The following ADGRL1 variants were observed in gnomAD, a reference collection of about 807,000 sequenced individuals.
ADGRL1 encodes adhesion G protein-coupled receptor L1, also known as CIRL-1.
ADGRL1 carries 31 observed loss-of-function variants against 148.9 expected under a neutral mutation model. The observed-to-expected ratio is 0.21, with a 90% CI of 0.16 to 0.28. ADGRL1 has a LOEUF of 0.28. Among genes scored for constraint, ADGRL1 ranks in the 10% least tolerant of loss-of-function variants. The probability of loss-of-function intolerance (pLI) is 1.00; values close to 1 mark genes in which losing one functional copy is unlikely to be tolerated. For missense variants in ADGRL1, 1,521 were observed against 2,058.8 expected (o/e 0.74, Z 5.05); for synonymous variants, 937 against 900.3 (o/e 1.04, Z -0.73).
rs1599421177 is a variant in ADGRL1, at chr19:14,162,536, C to T, written c.1195+70G>A. On this transcript the variant is annotated intron_variant, in intron 5 of 22. Transcript: ENST00000361434. The surrounding 1 kb of genome is among the most constrained non-coding windows in gnomAD (Gnocchi z 5.4). ...CAGGATGGGGCTCCCCACTCTGGGACCCAGGGGTGGGTGGGGGTGGAGGGG... is the reference window on the plus strand; with the variant it reads ...CAGGATGGGGCTCCCCACTCTGGGATCCAGGGGTGGGTGGGGGTGGAGGGG... The T allele has an allele frequency of 5.7e-6, 8 of 1,415,754 alleles. No homozygotes were observed. The East Asian group carries it at 1.8e-4, about 32-fold the overall frequency. The allele number at this position is 1,415,754 out of a possible 1,614,324, so 87.7% of individuals were successfully genotyped here.
rs749491607 is a variant in ADGRL1 at position 14,161,657 on chromosome 19, C to T, written c.1196-31G>A. ...GAGGGGATACGAGACAGGGTCATCC[C>T]CATGCTCAGGGCCATGCCACAGTGT... is the stretch of plus-strand genomic sequence containing the variant. On this transcript the variant is annotated intron_variant, in intron 5 of 22. Transcript: ENST00000361434. This position sits in a 1 kb window ranked among gnomAD's most constrained non-coding sequence, Gnocchi z 4.4. 8 of 1,353,386 alleles carry T rather than the reference C, an allele frequency of 5.9e-6. No individual in the cohort carries two copies. The highest frequency in any genetic ancestry group is 7.6e-6 in the Non-Finnish European group (8 of 1,051,176). 83.8% of individuals were successfully genotyped at this position (1,353,386 alleles called of 1,614,324 possible). A position where few individuals can be genotyped will look rare whatever the true frequency, so the allele number is the denominator to read the frequency against.
chr19:14,190,527 A>T, intron 1 of ADGRL1, among the ~76,000 whole-genome samples: 1 of 151,994 alleles, frequency 6.6e-6, no homozygotes, highest in East Asian at 1.9e-4. Flanking sequence ...TTGGCCTCCC[A>T]AAGTGCTGGG....
Position 14,163,117 on chromosome 19 carries a change from G to A in ADGRL1, c.684C>T (p.Ile228=), listed in dbSNP as rs1189885620. 6.2e-6 allele frequency: 10 copies of A among 1,614,012 alleles called. No individual in the cohort carries two copies. Among genetic ancestry groups the A allele is most frequent in the African/African-American group, 2.7e-5 (2 of 74,950 alleles). The change falls in exon 5 of 23, where the codon ATC becomes ATT. Residue 228 remains isoleucine (I), a synonymous_variant. Transcript: ENST00000361434. ...TGCGCGTCCGTAGGTCATACTTGACGATGTTGCGCGTGCGCTCCTTGTTGT... is the reference window on the plus strand; with the variant it reads ...TGCGCGTCCGTAGGTCATACTTGACAATGTTGCGCGTGCGCTCCTTGTTGT... ...VFYNKERTRN[I]VKYDLRTRIK...
intron 1 of ADGRL1, among the ~76,000 whole-genome samples, chr19:14,188,058 C>T (rs1971696553): frequency 6.6e-6 from 1 of 151,996 alleles, no homozygotes; most frequent in South Asian, 2.1e-4. Context: ...GATCCTGCCA[C>T]TGCACTCCAG....
intron 1 of ADGRL1, among the ~76,000 whole-genome samples, chr19:14,201,088 C>T (rs1274672046): frequency 1.3e-5 from 2 of 152,096 alleles, no homozygotes; most frequent in Non-Finnish European, 2.9e-5. Context: ...TCCTATAGTA[C>T]AGAGGACAGC....
intron 2 of ADGRL1, 93 bp downstream of exon 2, chr19:14,183,440 T>C: frequency 8.2e-7 from 1 of 1,216,862 alleles, no homozygotes; most frequent in Non-Finnish European, 1.2e-6. Context: ...TGTAATTCTT[T>C]ACTGAGTGAT....
At chr19:14,198,578 G>C (rs1280186188) in intron 1 of ADGRL1, among the ~76,000 whole-genome samples, 3 of 152,006 alleles carry the variant, frequency 2.0e-5, no homozygotes, top group Non-Finnish European at 4.4e-5. Flanking sequence ...CTGCCATCTG[G>C]ATCCTGACGC....
At chr19:14,175,069 C>T (rs1970727880) in intron 3 of ADGRL1, among the ~76,000 whole-genome samples, 1 of 152,084 alleles carries the variant, frequency 6.6e-6, no homozygotes, top group African/African-American at 2.4e-5. Context: ...TCTCGAACTC[C>T]TGACCTAAAG....
In ADGRL1 at chr19:14,155,740, G is replaced by A. The variant is rs1338212095; in HGVS notation, c.3126-213C>T. ...AGGGAAAGGTACTGGGTCAGGGGTCGGGGTATTGTGAACATCAGTTATTCC... is the reference window on the plus strand; with the variant it reads ...AGGGAAAGGTACTGGGTCAGGGGTCAGGGTATTGTGAACATCAGTTATTCC... On this transcript the variant is annotated intron_variant, in intron 17 of 22. Coordinates refer to ENST00000361434, the MANE Select transcript of ADGRL1 (RefSeq NM_014921.5). The surrounding 1 kb of genome is among the most constrained non-coding windows in gnomAD (Gnocchi z 5.0). The A allele has an allele frequency of 1.2e-5, 7 of 590,038 alleles. No individual in the cohort carries two copies. The highest frequency in any genetic ancestry group is 4.4e-4 in the Middle Eastern group (1 of 2,250). The allele number at this position is 590,038 out of a possible 1,614,324, so 36.6% of individuals were successfully genotyped here.
At chr19:14,151,721 G>T in intron 22 of ADGRL1, 106 bp from the exon 23 acceptor site, 2 of 1,142,260 alleles carry the variant, frequency 1.8e-6, no homozygotes, top group Non-Finnish European at 1.2e-6. Flanking sequence ...ATTCCTGCTG[G>T]TTTTCCGTAG....
chr19:14,156,236 G>A (rs1232742388), intron 16 of ADGRL1, 35 bp from the exon 17 acceptor site: 2 of 1,507,116 alleles, frequency 1.3e-6, no homozygotes, highest in Middle Eastern at 1.7e-4. Context: ...TGGGCTGAGA[G>A]TGGCCCTGCC....
chr19:14,156,519 G>A (rs1289511220), intron 16 of ADGRL1, 139 bp downstream of exon 16: 8 of 690,566 alleles, frequency 1.2e-5, no homozygotes, highest in East Asian at 1.1e-4. Context: ...CCTCTCAGCC[G>A]GTGGCTCAGT....
At chr19:14,185,681 G>T (rs1220609135) in intron 1 of ADGRL1, among the ~76,000 whole-genome samples, 3 of 152,136 alleles carry the variant, frequency 2.0e-5, no homozygotes, top group African/African-American at 7.2e-5. Flanking sequence ...TCCCATCTCA[G>T]GCTGTCCTGG....
Position 14,163,074 on chromosome 19 carries a change from C to G in ADGRL1, c.727G>C (p.Val243Leu), listed in dbSNP as rs779069324. Residue 243 changes from valine (V) to leucine (L), a missense_variant, in exon 5 of 23, where the codon GTC becomes CTC. Physicochemically the swap from Val to Leu is conservative, Grantham distance 32. Around this residue, in one of 8 missense-constraint regions of ADGRL1, gnomAD observed 334 missense variants for 512.5 expected, o/e 0.65. Coordinates refer to ENST00000361434, the MANE Select transcript of ADGRL1 (RefSeq NM_014921.5). ...TCATGGTAGTTGGCGGTATTGATGA[C>G]CGTCTCCCCGCTCTTGATGCGCGTC... is the stretch of plus-strand genomic sequence containing the variant. ...LRTRIKSGET[V>L]INTANYHDTS... 6.2e-6 allele frequency: 10 copies of G among 1,614,140 alleles called. No homozygotes were observed. Among genetic ancestry groups the G allele is most frequent in the Non-Finnish European group, 8.5e-6 (10 of 1,180,030 alleles).
chr19:14,157,529 CCA>C lies in ADGRL1; in HGVS notation c.2536-71_2536-70del. On this transcript the variant is annotated intron_variant, in intron 13 of 22. Transcript: ENST00000361434. The surrounding 1 kb of genome is among the most constrained non-coding windows in gnomAD (Gnocchi z 7.5). Reference sequence around the variant, plus strand: ...CACGCTGGGCTCAGCCAGGTGCCAGCCACAGACAGGGCCCTGGGCAAGGCCAT... The same window carrying C: ...CACGCTGGGCTCAGCCAGGTGCCAGCCAGACAGGGCCCTGGGCAAGGCCAT... The C allele has an allele frequency of 6.7e-7, 1 of 1,503,714 alleles. No homozygotes were observed. The highest frequency in any genetic ancestry group is 1.1e-5 in the South Asian group (1 of 87,712). 93.1% of individuals were successfully genotyped at this position (1,503,714 alleles called of 1,614,324 possible).
rs377473931 is a variant in ADGRL1 at position 14,159,590 on chromosome 19, C to T, written c.1840-6G>A. The T allele has an allele frequency of 1.2e-4, 187 of 1,594,644 alleles. 1 individual carries two copies. In the African/African-American group the frequency reaches 2.2e-3, roughly 18 times the overall value. ...TCCACTGTCTCCACCACGGCCTGCA[C>T]AGGCAGAGGGCATGGTGCTGTGAGC... On this transcript the variant is annotated splice_region_variant and splice_polypyrimidine_tract_variant and intron_variant, in intron 9 of 22. Transcript: ENST00000361434. This position sits in a 1 kb window ranked among gnomAD's most constrained non-coding sequence, Gnocchi z 6.0.
chr19:14,158,300 AG>A, intron 12 of ADGRL1, 37 bp downstream of exon 12: 1 of 1,589,596 alleles, frequency 6.3e-7, no homozygotes, highest in Admixed American at 1.7e-5. Context: ...CAGAGGGTAC[AG>A]GGACCCCCAT....
intron 4 of ADGRL1, among the ~76,000 whole-genome samples, chr19:14,164,221 G>A (rs769849621): frequency 1.1e-4 from 16 of 152,058 alleles, no homozygotes; most frequent in Non-Finnish European, 1.8e-4. Flanking sequence ...GCCCCCAGCC[G>A]GCAGGGTCTC....
In ADGRL1 at chr19:14,158,384, C is replaced by T. The variant is rs770560887; in HGVS notation, c.2318G>A (p.Arg773His). Residue 773 changes from arginine to histidine, a missense_variant, in exon 12 of 23, where the codon CGC becomes CAC. Coordinates refer to ENST00000361434, the MANE Select transcript of ADGRL1 (RefSeq NM_014921.5). ...GATGACAGGGTCCATGAGGAAGACG[C>T]GGCTGGACTCCTTGTTGATGGATGC... Reference protein sequence around the residue: ...IAASINKESSRVFLMDPVIFT... With the variant: ...IAASINKESSHVFLMDPVIFT... The T allele has an allele frequency of 6.2e-7, 1 of 1,613,754 alleles. No individual in the cohort carries two copies. Among genetic ancestry groups the T allele is most frequent in the Non-Finnish European group, 8.5e-7 (1 of 1,180,020 alleles).
Sources: allele counts gnomAD v4.1 joint callset (sites outside exome capture counted in the v4.1 genomes callset), GRCh38; gene constraint gnomAD v4.1.1; regional missense constraint gnomAD v4.1.1; non-coding constraint Gnocchi (gnomAD v3.1); transcripts MANE v1.5; gene names NCBI Gene and HGNC (gene_info 2026-07-23, HGNC 2026-07-21).